The following OGG1 variants were observed in gnomAD, a reference collection of about 807,000 sequenced individuals.
The protein encoded by OGG1 is 8-oxoguanine DNA glycosylase.
In OGG1, 35 loss-of-function variants were observed where a neutral mutation model predicts 42.3. The ratio of observed to expected loss-of-function variants is 0.83; its 90% confidence interval spans 0.63 to 1.10. OGG1 has a LOEUF of 1.10. Ranked by LOEUF, OGG1 falls within the 50% of genes least tolerant of loss-of-function variation. The pLI, the probability that OGG1 is intolerant of heterozygous loss-of-function variation, is 0.00. For missense variants in OGG1, 484 were observed against 446.7 expected (o/e 1.08, Z -0.75); for synonymous variants, 189 against 179.0 (o/e 1.06, Z -0.44).
At chr3:9,759,779 A>T (rs771470786), downstream of OGG1, 3 of 1,614,102 alleles carry the variant, frequency 1.9e-6, no homozygotes, top group Non-Finnish European at 1.7e-6. Flanking sequence ...AGCAAAGATA[A>T]TGACAGCATG....
chr3:9,757,663 CCTCCA>C, downstream of OGG1: 1 of 1,614,094 alleles, frequency 6.2e-7, no homozygotes, highest in East Asian at 2.2e-5. This position sits in a 1 kb window ranked among gnomAD's most constrained non-coding sequence, Gnocchi z 4.5. Context: ...AGGGGCAGGC[CCTCCA>C]CTCCAGCCCG....
rs1222347540 is a variant in OGG1, at chr3:9,751,150, T to G, written c.343T>G (p.Ser115Ala). The G allele has an allele frequency of 6.2e-7, 1 of 1,614,046 alleles. No homozygotes were observed. Among genetic ancestry groups the G allele is most frequent in the Admixed American group, 1.7e-5 (1 of 60,004 alleles). Residue 115 changes from serine to alanine, a missense_variant, in exon 2 of 7, where the codon TCC (serine) becomes GCC (alanine). Coordinates refer to ENST00000344629, the MANE Select transcript of OGG1 (RefSeq NM_002542.6). ...TLAQLYHHWGSVDSHFQEVAQ... is the reference protein window; with the variant it reads ...TLAQLYHHWGAVDSHFQEVAQ... ...GGCTCAACTGTATCACCACTGGGGT[T>G]CCGTGGACTCCCACTTCCAAGAGGT...
chr3:9,781,049 G>A (rs1316235451), intron 2 of OGG1, among the ~76,000 whole-genome samples: 2 of 152,112 alleles, frequency 1.3e-5, no homozygotes, highest in African/African-American at 2.4e-5. Flanking sequence ...AGGATTGCTT[G>A]AGGCCAGGAG....
intron 7 of OGG1, chr3:9,765,769 C>T: frequency 1.2e-6 from 2 of 1,614,022 alleles, no homozygotes; most frequent in Non-Finnish European, 1.7e-6. Flanking sequence ...TTGTGCAGGA[C>T]AGCAATCTCA....
chr3:9,759,808 C>A (rs1227136310), downstream of OGG1: 6 of 1,613,708 alleles, frequency 3.7e-6, no homozygotes. Flanking sequence ...TGTGTACTCC[C>A]CAAGAGCATA....
At chr3:9,759,483 C>G (rs755688457), downstream of OGG1, 1 of 1,614,176 alleles carries the variant, frequency 6.2e-7, no homozygotes, top group South Asian at 1.1e-5. Context: ...GGGATATGGA[C>G]TCACCTTCCA....
chr3:9,754,033 G>A (rs1206772719), intron 3 of OGG1, among the ~76,000 whole-genome samples: 1 of 152,200 alleles, frequency 6.6e-6, no homozygotes, highest in African/African-American at 2.4e-5. Context: ...CAGCTACTCA[G>A]GAGGCTGAGG....
chr3:9,756,918 C>T, intron 6 of OGG1, 102 bp downstream of exon 6: 1 of 1,612,068 alleles, frequency 6.2e-7, no homozygotes, highest in Non-Finnish European at 8.5e-7. Context: ...ACTCTCCAGC[C>T]ACCCCTGTCC....
At position 9,750,242 on chromosome 3, in the gene OGG1, G is replaced by C. The variant is rs56378321; in HGVS notation, c.-45G>C. On this transcript the variant is annotated 5_prime_UTR_variant, in exon 1 of 7. Transcript: ENST00000344629. ...GGTCTTTGGGCGTCGACGAGGCCTG[G>C]TTCTGGGTAGGCGGGGCTACTACGG... 2 of 1,588,788 alleles carry C rather than the reference G, an allele frequency of 1.3e-6. No homozygotes were observed. The highest frequency in any genetic ancestry group is 1.1e-5 in the South Asian group (1 of 88,730).
exon 8 of OGG1, chr3:9,765,978 A>G: frequency 6.2e-7 from 1 of 1,614,116 alleles, no homozygotes; most frequent in Non-Finnish European, 8.5e-7. Flanking sequence ...TTCTGTGACC[A>G]CTGCTGGACC....
downstream of OGG1, chr3:9,761,329 G>T: frequency 2.3e-6 from 2 of 862,048 alleles, no homozygotes; most frequent in Non-Finnish European, 3.6e-6. Flanking sequence ...AGTAATACTG[G>T]TAATTGATTG....
At chr3:9,782,761 A>C (rs1419248286) in intron 3 of OGG1, among the ~76,000 whole-genome samples, 1 of 148,148 alleles carries the variant, frequency 6.8e-6, no homozygotes, top group Non-Finnish European at 1.5e-5. Context: ...ACTGCACTCC[A>C]GCCTGGGCAA....
At chr3:9,760,797 C>A (rs562027750), downstream of OGG1, 1 of 1,613,386 alleles carries the variant, frequency 6.2e-7, no homozygotes, top group East Asian at 2.2e-5. Context: ...ATCCTCATTT[C>A]CACTTTCGGG....
At chr3:9,771,810 CTTTTTTTTTTTTTTTT>C (rs5846644) in intron 2 of OGG1, among the ~76,000 whole-genome samples, 2 of 66,712 alleles carry the variant, frequency 3.0e-5, no homozygotes, top group Non-Finnish European at 2.7e-5. Flanking sequence ...TGTACAACTT[CTTTTTTTTTTTTTTTT>C]TTTTTTTTTT....
chr3:9,777,771 C>CA (rs2125609918), intron 2 of OGG1, among the ~76,000 whole-genome samples: 2 of 152,320 alleles, frequency 1.3e-5, no homozygotes, highest in East Asian at 3.9e-4. Flanking sequence ...ACCTCCTCCA[C>CA]AAAACTGTCT....
chr3:9,757,571 C>T (rs56033923), downstream of OGG1: 568 of 1,614,106 alleles, frequency 3.5e-4, 4 homozygotes, highest in East Asian at 0.012. The surrounding 1 kb of genome is among the most constrained non-coding windows in gnomAD (Gnocchi z 4.5). Flanking sequence ...GGGGACAGTT[C>T]TGTGCCCGGC....
At chr3:9,751,222 G>T in intron 2 of OGG1, 30 bp downstream of exon 2, 1 of 1,610,254 alleles carries the variant, frequency 6.2e-7, no homozygotes. Context: ...TGGGGTTAGG[G>T]TTCTTGGACA....
chr3:9,785,496 TG>T, intron 3 of OGG1: 1 of 1,038,166 alleles, frequency 9.6e-7, no homozygotes, highest in South Asian at 1.4e-5. Context: ...TGACCTACAC[TG>T]ACAGTCTTCA....
At chr3:9,784,332 C>G in intron 3 of OGG1, 1 of 1,319,568 alleles carries the variant, frequency 7.6e-7, no homozygotes, top group Non-Finnish European at 1.0e-6. Flanking sequence ...GGCACCCCCT[C>G]TGTATCTATC....
Sources: allele counts gnomAD v4.1 joint callset (sites outside exome capture counted in the v4.1 genomes callset), GRCh38; gene constraint gnomAD v4.1.1; non-coding constraint Gnocchi (gnomAD v3.1); transcripts MANE v1.5; gene names NCBI Gene and HGNC (gene_info 2026-07-23, HGNC 2026-07-21).